The following NLGN4X variants were observed in gnomAD, a reference collection of about 807,000 sequenced individuals.
The protein encoded by NLGN4X is neuroligin 4 X-linked.
A neutral mutation model predicts 40.3 loss-of-function variants in NLGN4X; 3 were observed. That is an observed-to-expected ratio of 0.07 (90% CI 0.03 to 0.19). The LOEUF (loss-of-function observed/expected upper bound fraction) is 0.19. Among genes scored for constraint, NLGN4X ranks in the 10% least tolerant of loss-of-function variants. The pLI, the probability that NLGN4X is intolerant of heterozygous loss-of-function variation, is 1.00. For missense variants in NLGN4X, 382 were observed against 708.3 expected (o/e 0.54, Z 5.23); for synonymous variants, 270 against 306.8 (o/e 0.88, Z 1.25).
chrX:6,133,998 C>T (rs140065642), intron 2 of NLGN4X, among the ~76,000 whole-genome samples: 143 of 111,099 alleles, frequency 1.3e-3, no homozygotes, highest in African/African-American at 3.9e-3. Context: ...TCCATTAAAC[C>T]CTTCACAAAA....
At chrX:5,902,588 C>G (rs1420361079) in intron 5 of NLGN4X, among the ~76,000 whole-genome samples, 3 of 111,907 alleles carry the variant, frequency 2.7e-5, no homozygotes, top group African/African-American at 9.8e-5. Flanking sequence ...ACTCAGGAGG[C>G]TGAGGCAGGA....
At position 6,151,681 on chromosome X, in the gene NLGN4X, GAAACTGGA is replaced by G; in HGVS notation, c.-223_-216del. 2.3e-6 allele frequency: 1 copy of G among 435,477 alleles called. No individual in the cohort carries two copies. The highest frequency in any genetic ancestry group is 4.0e-6 in the Non-Finnish European group (1 of 249,696). The allele number at this position is 435,477 out of a possible 1,213,427, so 35.9% of individuals were successfully genotyped here. On this transcript the variant is annotated 5_prime_UTR_variant, in exon 2 of 6. An upstream open reading frame in the 5' UTR loses its in-frame stop. Transcript: ENST00000381095. Reference sequence around the variant, plus strand: ...AAGGAGGCAGCCCTCCCTTAATCCTGAAACTGGATTCCAGCAACTGCAATGCTCCAAGG... The same window carrying G: ...AAGGAGGCAGCCCTCCCTTAATCCTGTTCCAGCAACTGCAATGCTCCAAGG...
chrX:6,137,362 A>T (rs1602299311), intron 2 of NLGN4X, among the ~76,000 whole-genome samples: 1 of 111,900 alleles, frequency 8.9e-6, no homozygotes. Context: ...CCTTGATTAC[A>T]TTTGCAGAAA....
At chrX:5,922,587 G>A (rs970896099) in intron 3 of NLGN4X, among the ~76,000 whole-genome samples, 22 of 111,775 alleles carry the variant, frequency 2.0e-4, no homozygotes, top group African/African-American at 7.1e-4. Flanking sequence ...TGAAGGCAGG[G>A]CGCAGTGGCT....
At chrX:5,978,380 T>C (rs984589785) in intron 3 of NLGN4X, among the ~76,000 whole-genome samples, 2 of 103,160 alleles carry the variant, frequency 1.9e-5, no homozygotes, top group Non-Finnish European at 3.8e-5. Context: ...TTCTCTCTTT[T>C]CTTTCTTCTA....
At chrX:6,071,893 C>T (rs1469425668) in intron 2 of NLGN4X, among the ~76,000 whole-genome samples, 1 of 111,140 alleles carries the variant, frequency 9.0e-6, no homozygotes, top group Non-Finnish European at 1.9e-5. Flanking sequence ...GATCCTTCCA[C>T]CGTAAATTCA....
At chrX:6,166,579 T>C (rs1188601578) in intron 1 of NLGN4X, among the ~76,000 whole-genome samples, 2 of 111,779 alleles carry the variant, frequency 1.8e-5, no homozygotes, top group East Asian at 2.8e-4. Context: ...CTGAGAATCC[T>C]TGGCTAATTG....
chrX:5,978,838 G>T (rs932920638), intron 3 of NLGN4X, among the ~76,000 whole-genome samples: 3 of 111,659 alleles, frequency 2.7e-5, no homozygotes, highest in Admixed American at 1.9e-4. Flanking sequence ...GGGCGTGGTG[G>T]CATGCACCTG....
chrX:6,095,723 T>A (rs767820575), intron 2 of NLGN4X, among the ~76,000 whole-genome samples: 1 of 111,791 alleles, frequency 8.9e-6, no homozygotes, highest in Non-Finnish European at 1.9e-5. Context: ...GTAGTTTTGG[T>A]TGTCACAATT....
intron 1 of NLGN4X, among the ~76,000 whole-genome samples, chrX:6,163,815 T>C (rs992324090): frequency 8.9e-6 from 1 of 112,729 alleles, no homozygotes; most frequent in South Asian, 3.7e-4. Flanking sequence ...CATTCATTGC[T>C]AGACTATGAT....
At chrX:6,128,906 C>T (rs756600657) in intron 2 of NLGN4X, among the ~76,000 whole-genome samples, 1 of 112,176 alleles carries the variant, frequency 8.9e-6, no homozygotes, top group African/African-American at 3.2e-5. Flanking sequence ...TTCCCAGTTA[C>T]ATCCTATGGA....
At chrX:6,114,514 A>AGTG (rs1249012937) in intron 2 of NLGN4X, among the ~76,000 whole-genome samples, 1 of 86,779 alleles carries the variant, frequency 1.2e-5, no homozygotes, top group Non-Finnish European at 2.2e-5. Flanking sequence ...TTTCCATCAA[A>AGTG]GTGGCAAACA....
intron 2 of NLGN4X, among the ~76,000 whole-genome samples, chrX:6,104,415 G>A (rs140907208): frequency 2.9e-3 from 326 of 112,073 alleles, no homozygotes; most frequent in African/African-American, 9.6e-3. Context: ...AACTGCACAT[G>A]AGTTTCTGTG....
intron 2 of NLGN4X, among the ~76,000 whole-genome samples, chrX:6,062,105 G>A (rs766617813): frequency 1.1e-4 from 12 of 111,371 alleles, no homozygotes; most frequent in Non-Finnish European, 2.1e-4. Context: ...ATGTCTCATA[G>A]ACATTTCAAA....
chrX:6,151,276 T>G lies in NLGN4X; in HGVS notation c.191A>C (p.Asn64Thr), dbSNP rs141720696. 1.7e-6 allele frequency: 2 copies of G among 1,211,584 alleles called. No individual in the cohort carries two copies. The highest frequency in any genetic ancestry group is 5.9e-5 in the East Asian group (2 of 33,797). ...CTGCTCCACTGGACCCAAGATCTCA[T>G]TGGGTAACGGTGTTCTTAGGCCCCG... The part of the protein sequence containing the change: ...KIRGLRTPLP[N>T]EILGPVEQYL... The change falls in exon 2 of 6, where the codon AAT (asparagine) becomes ACT (threonine). Residue 64 changes from asparagine (N) to threonine (T), a missense_variant. Asn to Thr is a moderately conservative substitution (Grantham distance 65). Coordinates refer to ENST00000381095, the MANE Select transcript of NLGN4X (RefSeq NM_181332.3).
At chrX:6,139,986 A>C (rs1054488764) in intron 2 of NLGN4X, among the ~76,000 whole-genome samples, 6 of 111,911 alleles carry the variant, frequency 5.4e-5, no homozygotes, top group African/African-American at 1.9e-4. Context: ...GCTAAAGTCC[A>C]TATGTGACAG....
At chrX:5,991,295 C>T in intron 3 of NLGN4X, 3 of 314,725 alleles carry the variant, frequency 9.5e-6, no homozygotes, top group African/African-American at 2.7e-5. Context: ...AGACATTGTT[C>T]TTCTTAGGGG....
At chrX:6,182,395 A>G (rs1403015058) in intron 1 of NLGN4X, among the ~76,000 whole-genome samples, 1 of 111,546 alleles carries the variant, frequency 9.0e-6, no homozygotes, top group Non-Finnish European at 1.9e-5. Flanking sequence ...GAGTGTTGTC[A>G]AAGATGTTGA....
chrX:6,074,530 A>G (rs1379900434), intron 2 of NLGN4X, among the ~76,000 whole-genome samples: 2 of 112,060 alleles, frequency 1.8e-5, no homozygotes, highest in Non-Finnish European at 3.8e-5. Context: ...AGAGCTAGAC[A>G]GTCAAGCAGA....
Sources: gnomAD v4.1 joint callset for allele counts (sites outside exome capture counted in the v4.1 genomes callset) on GRCh38, gnomAD v4.1.1 for gene constraint, MANE v1.5 for transcripts, NCBI Gene and HGNC (gene_info 2026-07-23, HGNC 2026-07-21) for gene names.